Variants in XPA observed in about 807,000 individuals in gnomAD.
XPA encodes the protein DNA repair protein complementing XP-A cells.
XPA carries 27 observed loss-of-function variants against 35.7 expected under a neutral mutation model. The observed-to-expected ratio is 0.76, with a 90% CI of 0.56 to 1.04. The LOEUF is 1.04. Among genes scored for constraint, XPA ranks in the 50% least tolerant of loss-of-function variants. XPA has a pLI of 0.00. For missense variants in XPA, 354 were observed against 342.7 expected (o/e 1.03, Z -0.26); for synonymous variants, 133 against 118.4 (o/e 1.12, Z -0.80).
downstream of XPA, among the ~76,000 whole-genome samples, chr9:97,674,030 ATT>A (rs879922186): frequency 0.15 from 22,784 of 152,204 alleles, 1,846 homozygotes; most frequent in Non-Finnish European, 0.17. Flanking sequence ...CTTTGAGATG[ATT>A]ATGCCCTCTT....
At chr9:97,671,423 G>A, downstream of XPA, 1 of 445,046 alleles carries the variant, frequency 2.2e-6, no homozygotes, top group Non-Finnish European at 4.0e-6. Context: ...TATTATATAT[G>A]TGACAGATAC....
downstream of XPA, chr9:97,673,388 A>T (rs766400699): frequency 5.9e-5 from 9 of 152,194 alleles, no homozygotes; most frequent in Non-Finnish European, 8.8e-5. Context: ...ACTGCTTTGT[A>T]ATCTTTTCAC....
the XPA span, chr9:97,655,883 A>G: frequency 3.0e-6 from 4 of 1,326,418 alleles, no homozygotes; most frequent in African/African-American, 4.5e-5. Context: ...TTAAGTACAA[A>G]TAGTTACAAG....
At chr9:97,668,777 T>TC in the XPA span, 1 of 1,520,596 alleles carries the variant, frequency 6.6e-7, no homozygotes, top group Non-Finnish European at 8.9e-7. Flanking sequence ...GTAAAATGCT[T>TC]CCCCTGGAGG....
downstream of XPA, chr9:97,673,162 A>G (rs1022127101): frequency 3.9e-5 from 6 of 152,170 alleles, no homozygotes; most frequent in African/African-American, 1.4e-4. Flanking sequence ...TATAACATAC[A>G]AAATGAGTTT....
downstream of XPA, among the ~76,000 whole-genome samples, chr9:97,674,162 A>G (rs1268912539): frequency 6.6e-6 from 1 of 151,214 alleles, no homozygotes; most frequent in Admixed American, 6.6e-5. Context: ...CTCTTACAAC[A>G]ACCTGAACCC....
At position 97,675,528 on chromosome 9, in the gene XPA, C is replaced by CA. The variant is rs1554699296; in HGVS notation, c.732dup (p.Glu245Ter). 8 of 1,613,952 alleles carry CA rather than the reference C, an allele frequency of 5.0e-6. No homozygotes were observed. The highest frequency in any genetic ancestry group is 6.8e-6 in the Non-Finnish European group (8 of 1,179,932). ...TCTAGGTTTTCTTCTGGTCCATACT[C>CA]ATGTTGATGAACAATCGTCTCCCTT... On this transcript the variant is annotated frameshift_variant, in exon 6 of 6. Transcript: ENST00000375128. LOFTEE classifies it high-confidence loss of function.
At chr9:97,673,426 G>A, downstream of XPA, 1 of 152,150 alleles carries the variant, frequency 6.6e-6, no homozygotes, top group East Asian at 1.9e-4. Flanking sequence ...GGCTAGTTAT[G>A]TTTGATCCAC....
intron 1 of XPA, 61 bp downstream of exon 1, chr9:97,697,060 G>T: frequency 6.7e-7 from 1 of 1,484,044 alleles, no homozygotes; most frequent in Non-Finnish European, 8.9e-7. Flanking sequence ...GCTTGCACGA[G>T]CCAGTCTGGG....
At chr9:97,670,018 G>A (rs1038934639), downstream of XPA, 12 of 395,928 alleles carry the variant, frequency 3.0e-5, no homozygotes, top group Admixed American at 3.6e-4. Context: ...CACCTCCTAG[G>A]TTTAAGCAAT....
chr9:97,675,124 G>T lies in XPA; in HGVS notation c.*315C>A, dbSNP rs1828310854. The T allele has an allele frequency of 1.8e-6, 1 of 554,034 alleles. No individual in the cohort carries two copies. Among genetic ancestry groups the T allele is most frequent in the South Asian group, 1.5e-5 (1 of 65,380 alleles). 34.3% of individuals were successfully genotyped at this position (554,034 alleles called of 1,614,324 possible). On this transcript the variant is annotated 3_prime_UTR_variant, in exon 6 of 6. Transcript: ENST00000375128. ...CCCTTTTCCCTCTACCCCAATCTAG[G>T]GTTTGCCTTGGTATCTTGTCCTCAA...
downstream of XPA, chr9:97,670,172 C>G: frequency 3.0e-5 from 7 of 230,184 alleles, no homozygotes; most frequent in Non-Finnish European, 6.2e-5. Context: ...GCCTCCGCCT[C>G]CCAAAGTGCT....
chr9:97,689,773 TTA>T, intron 2 of XPA, 134 bp from the exon 3 acceptor site: 1 of 542,134 alleles, frequency 1.8e-6, no homozygotes, highest in Non-Finnish European at 3.2e-6. Context: ...AAATAAGACC[TTA>T]TGTTTATCTA....
downstream of XPA, among the ~76,000 whole-genome samples, chr9:97,674,143 C>CCTG (rs1564034569): frequency 6.6e-6 from 1 of 151,692 alleles, no homozygotes; most frequent in East Asian, 1.9e-4. Flanking sequence ...CTTCCCCGCC[C>CCTG]CCATAATGCT....
At chr9:97,666,995 G>A in the XPA span, 17 of 757,324 alleles carry the variant, frequency 2.2e-5, no homozygotes, top group Admixed American at 3.5e-5. Flanking sequence ...TTAATGCAGA[G>A]CAGAAATTTT....
intron 5 of XPA, among the ~76,000 whole-genome samples, chr9:97,678,111 T>C (rs1828424104): frequency 1.3e-5 from 2 of 152,108 alleles, no homozygotes; most frequent in Admixed American, 6.5e-5. Context: ...CAAGAAATGA[T>C]GACATAAGGC....
chr9:97,669,664 G>T, the XPA span: 2 of 1,612,126 alleles, frequency 1.2e-6, no homozygotes, highest in Non-Finnish European at 1.7e-6. Context: ...TAACACCATG[G>T]TATAAGAACT....
Position 97,675,586 on chromosome 9 carries a change from T to C in XPA, c.675A>G (p.Glu225=). The change falls in exon 6 of 6, where the codon GAA becomes GAG. Residue 225 remains glutamate (E), a splice_region_variant and synonymous_variant. Coordinates refer to ENST00000375128, the MANE Select transcript of XPA (RefSeq NM_000380.4). ...CGCTGCTTCTTACTGCTCGCCGCAA[T>C]TCTGAAAAAAAAATTTTAAAGTCAT... ...KQKKFDKKVK[E]LRRAVRSSVW... 6.2e-7 allele frequency: 1 copy of C among 1,613,940 alleles called. No individual in the cohort carries two copies. The highest frequency in any genetic ancestry group is 1.3e-5 in the African/African-American group (1 of 75,040).
At chr9:97,660,899 C>A in the XPA span, 1 of 1,566,416 alleles carries the variant, frequency 6.4e-7, no homozygotes, top group South Asian at 1.2e-5. Flanking sequence ...TTAGAATAGT[C>A]TTGAAACCTG....
Sources: allele counts gnomAD v4.1 joint callset (sites outside exome capture counted in the v4.1 genomes callset), GRCh38; gene constraint gnomAD v4.1.1; transcripts MANE v1.5; gene names NCBI Gene and HGNC (gene_info 2026-07-23, HGNC 2026-07-21).